PDE4D: variants seen among roughly 807,000 people sequenced by gnomAD.
PDE4D encodes phosphodiesterase 4D, also known as 3',5'-cyclic-AMP phosphodiesterase 4D.
A neutral mutation model predicts 87.4 loss-of-function variants in PDE4D; 24 were observed. The ratio of observed to expected loss-of-function variants is 0.27; its 90% CI spans 0.20 to 0.39. The LOEUF is 0.39. Among genes scored for constraint, PDE4D ranks in the 10% least tolerant of loss-of-function variants. The probability of loss-of-function intolerance (pLI) is 1.00; values close to 1 mark genes in which losing one functional copy is unlikely to be tolerated. For synonymous variants in PDE4D, 384 were observed against 383.2 expected, an observed-to-expected ratio of 1.00 and a Z score of -0.02; for missense variants, 714 against 1,041.0, an observed-to-expected ratio of 0.69 and a Z score of 4.32.
At chr5:59,795,366 G>A (rs948309723) in intron 1 of PDE4D, among the ~76,000 whole-genome samples, 2 of 152,100 alleles carry the variant, frequency 1.3e-5, no homozygotes, top group African/African-American at 4.8e-5. Flanking sequence ...AAGGAAAGTG[G>A]GAGGAGGCTG....
chr5:60,103,080 A>G (rs568070378), intron 2 of PDE4D, among the ~76,000 whole-genome samples: 32 of 152,320 alleles, frequency 2.1e-4, no homozygotes, highest in African/African-American at 7.5e-4. Flanking sequence ...ACTTTGCACT[A>G]TGAGTCCTAT....
At chr5:60,246,166 T>C (rs753276840) in intron 1 of PDE4D, among the ~76,000 whole-genome samples, 8 of 152,048 alleles carry the variant, frequency 5.3e-5, no homozygotes, top group Middle Eastern at 3.4e-3. Context: ...TTTCTAACTA[T>C]AACTTTCATT....
chr5:59,127,834 C>T (rs549114163), intron 5 of PDE4D, among the ~76,000 whole-genome samples: 2 of 152,054 alleles, frequency 1.3e-5, no homozygotes, highest in East Asian at 3.9e-4. Context: ...GGACCGGATT[C>T]TGAAACGCAA....
chr5:59,192,528 C>T (rs1477464304), intron 3 of PDE4D, among the ~76,000 whole-genome samples: 1 of 152,122 alleles, frequency 6.6e-6, no homozygotes, highest in Admixed American at 6.5e-5. Flanking sequence ...TCCCCTAACT[C>T]TACCAGTTGA....
intron 1 of PDE4D, among the ~76,000 whole-genome samples, chr5:59,879,694 G>T (rs1374786575): frequency 6.6e-6 from 1 of 152,206 alleles, no homozygotes; most frequent in African/African-American, 2.4e-5. Flanking sequence ...TAAAAAGGCT[G>T]CCAGACTGCT....
At chr5:59,584,901 CT>C (rs1177846247) in intron 1 of PDE4D, among the ~76,000 whole-genome samples, 2 of 152,150 alleles carry the variant, frequency 1.3e-5, no homozygotes, top group African/African-American at 4.8e-5. Flanking sequence ...GTGCCAGGAA[CT>C]GTTTCCAGGA....
intron 1 of PDE4D, among the ~76,000 whole-genome samples, chr5:59,648,817 T>C (rs1197979164): frequency 2.0e-5 from 3 of 152,322 alleles, no homozygotes; most frequent in Non-Finnish European, 4.4e-5. Flanking sequence ...TTTTGTATCT[T>C]TCTGGCAACA....
At chr5:59,972,711 G>C (rs1334739207) in intron 3 of PDE4D, among the ~76,000 whole-genome samples, 2 of 152,126 alleles carry the variant, frequency 1.3e-5, no homozygotes, top group East Asian at 3.9e-4. Context: ...ACTTATCAAG[G>C]TTCACTTTGA....
intron 1 of PDE4D, among the ~76,000 whole-genome samples, chr5:59,876,437 G>A (rs1384775254): frequency 1.3e-5 from 2 of 152,138 alleles, no homozygotes; most frequent in Non-Finnish European, 2.9e-5. Flanking sequence ...CCAGTTGGCT[G>A]AGTACATACC....
At chr5:59,392,589 T>A (rs1421127938) in intron 1 of PDE4D, among the ~76,000 whole-genome samples, 1 of 151,836 alleles carries the variant, frequency 6.6e-6, no homozygotes, top group Non-Finnish European at 1.5e-5. Flanking sequence ...ATCAACTTTT[T>A]AAAAGTCTAA....
chr5:60,357,959 A>C lies in PDE4D; in HGVS notation c.-90+129983T>G, dbSNP rs1414146304. ...TATTAACAAAAGCCATACAATACAT[A>C]GTAAGTACACAGTATCTCATTTAAT... On this transcript the variant is annotated intron_variant, in intron 1 of 16. Coordinates refer to the PDE4D transcript ENST00000502484. Among the ~76,000 whole-genome samples, 3 of 152,214 alleles carry C rather than the reference A, an allele frequency of 2.0e-5. No homozygotes were observed. In the East Asian group the frequency reaches 5.8e-4, roughly 29 times the overall value.
intron 1 of PDE4D, among the ~76,000 whole-genome samples, chr5:60,252,451 T>C (rs1748586640): frequency 6.6e-6 from 1 of 151,220 alleles, no homozygotes; most frequent in Admixed American, 6.6e-5. Flanking sequence ...TCCAGTTTAT[T>C]TAGAGTCTTT....
chr5:60,486,495 A>G (rs1749153704), intron 1 of PDE4D, among the ~76,000 whole-genome samples: 1 of 152,196 alleles, frequency 6.6e-6, no homozygotes, highest in African/African-American at 2.4e-5. Flanking sequence ...TCTTTCTACA[A>G]ACTTCATTCA....
chr5:59,727,720 G>A (rs1278365352), intron 1 of PDE4D, among the ~76,000 whole-genome samples: 1 of 152,058 alleles, frequency 6.6e-6, no homozygotes, highest in Non-Finnish European at 1.5e-5. Flanking sequence ...CCCTCTGTGA[G>A]CATGTTCTTT....
At chr5:59,088,196 T>C (rs1358330464) in intron 5 of PDE4D, among the ~76,000 whole-genome samples, 1 of 152,208 alleles carries the variant, frequency 6.6e-6, no homozygotes, top group African/African-American at 2.4e-5. Flanking sequence ...AATACAAAAA[T>C]TCATAAAACA....
intron 5 of PDE4D, among the ~76,000 whole-genome samples, chr5:59,156,320 A>AATATATATATATATATATATAT (rs1554082853): frequency 3.7e-5 from 3 of 81,780 alleles, no homozygotes; most frequent in African/African-American, 1.5e-4. Flanking sequence ...AAAAAAAAAA[A>AATATATATATATATATATATAT]ATATATATAT....
chr5:60,423,723 AC>A (rs1225136572), intron 1 of PDE4D, among the ~76,000 whole-genome samples: 26 of 152,188 alleles, frequency 1.7e-4, no homozygotes, highest in African/African-American at 5.8e-4. Flanking sequence ...ATAGAGACAC[AC>A]AAAAAACCCT....
At position 59,668,064 on chromosome 5, in the gene PDE4D, T is replaced by C. The variant is rs574439541; in HGVS notation, c.455+225104A>G. On this transcript the variant is annotated intron_variant, in intron 1 of 14. Transcript: ENST00000340635. ...AATGTGGAGAGTGTGTCCTTAAGAC[T>C]GCATATAATGACTATAGCAGTTCAA... is the stretch of plus-strand genomic sequence containing the variant. 1.3e-3 allele frequency among the ~76,000 whole-genome samples: 196 copies of C among 152,342 alleles called. 1 individual carries two copies. The highest frequency in any genetic ancestry group is 4.6e-3 in the African/African-American group (190 of 41,588).
At chr5:59,076,089 G>C (rs781626252) in intron 5 of PDE4D, among the ~76,000 whole-genome samples, 1 of 152,068 alleles carries the variant, frequency 6.6e-6, no homozygotes, top group Non-Finnish European at 1.5e-5. Flanking sequence ...GAATACTATA[G>C]TTTCCTTAAA....
Sources: allele counts gnomAD v4.1 joint callset (sites outside exome capture counted in the v4.1 genomes callset), GRCh38; gene constraint gnomAD v4.1.1; transcripts MANE v1.5; gene names NCBI Gene and HGNC (gene_info 2026-07-23, HGNC 2026-07-21).